The following ACSM3 variants were observed in gnomAD, a reference collection of about 807,000 sequenced individuals.
ACSM3 encodes the protein acyl-CoA synthetase medium chain family member 3, also known as acyl-coenzyme A synthetase ACSM3, mitochondrial.
A neutral mutation model predicts 74.1 loss-of-function variants in ACSM3; 61 were observed. The observed-to-expected ratio is 0.82, with a 90% CI of 0.67 to 1.02. The LOEUF is 1.02. Among genes scored for constraint, ACSM3 ranks in the 50% least tolerant of loss-of-function variants. The pLI is 0.00. For synonymous variants in ACSM3, 213 were observed against 241.5 expected, an observed-to-expected ratio of 0.88 and a Z score of 1.09; for missense variants, 660 against 697.0, an observed-to-expected ratio of 0.95 and a Z score of 0.60.
At chr16:20,726,685 T>TAA (rs1008105341) in intron 1 of ACSM3, among the ~76,000 whole-genome samples, 4 of 152,218 alleles carry the variant, frequency 2.6e-5, no homozygotes, top group Admixed American at 1.3e-4. Flanking sequence ...GGCAGGGCCC[T>TAA]ACTACTTACT....
At chr16:20,741,481 G>GGGGGGGGGGGGGGCC in intron 1 of ACSM3, 77 of 1,308,400 alleles carry the variant, frequency 5.9e-5, no homozygotes, top group Non-Finnish European at 7.1e-5. Flanking sequence ...CTGGCAGCCG[G>GGGGGGGGGGGGGGCC]CCCGCCCGCC....
intron 1 of ACSM3, among the ~76,000 whole-genome samples, chr16:20,691,999 C>T (rs564365348): frequency 1.3e-5 from 2 of 152,200 alleles, no homozygotes; most frequent in South Asian, 4.1e-4. Flanking sequence ...TCAAATTGTT[C>T]CTCTGCATGT....
intron 2 of ACSM3, among the ~76,000 whole-genome samples, chr16:20,752,406 A>G (rs1216465405): frequency 6.6e-6 from 1 of 152,178 alleles, no homozygotes; most frequent in Non-Finnish European, 1.5e-5. Context: ...GTTCCTTGCC[A>G]TTGTTTTTCT....
chr16:20,796,958 T>G lies in ACSM3; in HGVS notation c.1747T>G (p.Trp583Gly). 3.1e-6 allele frequency: 5 copies of G among 1,612,542 alleles called. No homozygotes were observed. Among genetic ancestry groups the G allele is most frequent in the Non-Finnish European group, 4.2e-6 (5 of 1,179,350 alleles). ...AAGAAATGAACTGAGGAAGAAAGAATGGAAGACAATTTAAAGTTGTTTCAT... is the reference window on the plus strand; with the variant it reads ...AAGAAATGAACTGAGGAAGAAAGAAGGGAAGACAATTTAAAGTTGTTTCAT... Reference protein sequence around the residue: ...TKRNELRKKEWKTI With the variant: ...TKRNELRKKEGKTI The change falls in exon 14 of 14, where the codon TGG (tryptophan) becomes GGG (glycine). Residue 583 changes from tryptophan (W) to glycine (G), a missense_variant. Physicochemically the swap from Trp to Gly is radical, Grantham distance 184. Coordinates refer to ENST00000289416, the MANE Select transcript of ACSM3 (RefSeq NM_005622.4).
intron 8 of ACSM3, 136 bp from the exon 9 acceptor site, chr16:20,785,942 C>T: frequency 1.9e-6 from 1 of 533,126 alleles, no homozygotes. Flanking sequence ...CACTACATTC[C>T]ATGAGAGTAT....
intron 1 of ACSM3, among the ~76,000 whole-genome samples, chr16:20,742,813 A>AT (rs372677216): frequency 1.5e-3 from 101 of 66,826 alleles, no homozygotes; most frequent in East Asian, 4.8e-3. Context: ...ATATATATAT[A>AT]TTTTTTTTTT....
At chr16:20,738,192 A>T (rs1267505667) in intron 1 of ACSM3, 2 of 555,770 alleles carry the variant, frequency 3.6e-6, no homozygotes, top group African/African-American at 3.8e-5. Context: ...ACTAGAAATG[A>T]CTGTTTAGGT....
intron 9 of ACSM3, 192 bp downstream of exon 9, chr16:20,786,350 C>T (rs1232681035): frequency 7.9e-6 from 9 of 1,141,718 alleles, no homozygotes; most frequent in Non-Finnish European, 1.1e-5. Flanking sequence ...TTGCAAATAC[C>T]CATATTGTAC....
At chr16:20,686,755 G>A (rs1157837886) in intron 1 of ACSM3, among the ~76,000 whole-genome samples, 1 of 151,850 alleles carries the variant, frequency 6.6e-6, no homozygotes, top group East Asian at 1.9e-4. Flanking sequence ...AGGCTACAGT[G>A]ATTGTGCCAC....
intron 1 of ACSM3, chr16:20,685,271 G>T (rs1358261947): frequency 1.2e-6 from 2 of 1,614,206 alleles, no homozygotes; most frequent in East Asian, 2.2e-5. Context: ...TCTCCCTGTT[G>T]TAGGCCACAG....
chr16:20,705,374 GA>G (rs35941652), intron 1 of ACSM3, among the ~76,000 whole-genome samples: 126 of 123,910 alleles, frequency 1.0e-3, no homozygotes, highest in Non-Finnish European at 1.3e-3. Context: ...CTCCGTCTCA[GA>G]AAAAAAAAAA....
chr16:20,700,211 A>ACATT (rs1330956636), intron 1 of ACSM3, among the ~76,000 whole-genome samples: 1 of 152,188 alleles, frequency 6.6e-6, no homozygotes, highest in African/African-American at 2.4e-5. Flanking sequence ...AACCTATGAT[A>ACATT]CATTCATTCA....
Position 20,770,095 on chromosome 16 carries a change from A to C in ACSM3, c.61A>C (p.Ile21Leu). Residue 21 changes from isoleucine (I) to leucine (L), a missense_variant, in exon 2 of 14, where the codon ATT becomes CTT. Transcript: ENST00000289416. ...RHAKCFQRLA[I>L]FGSVRALHKD... ...TGCCAAGTGTTTTCAGCGCCTAGCA[A>C]TTTTTGGTTCTGTGAGGGCACTGCA... 1 of 1,614,140 alleles carries C rather than the reference A, an allele frequency of 6.2e-7. No individual in the cohort carries two copies. The highest frequency in any genetic ancestry group is 8.5e-7 in the Non-Finnish European group (1 of 1,180,026).
At chr16:20,737,670 C>A in intron 1 of ACSM3, 1 of 1,560,274 alleles carries the variant, frequency 6.4e-7, no homozygotes, top group Non-Finnish European at 8.6e-7. Context: ...AAGTATTTAC[C>A]ATTGAATGCC....
At chr16:20,788,525 T>C (rs2080524282) in intron 9 of ACSM3, among the ~76,000 whole-genome samples, 1 of 152,234 alleles carries the variant, frequency 6.6e-6, no homozygotes, top group South Asian at 2.1e-4. Flanking sequence ...CCACGGGCCG[T>C]TATTATGGGG....
chr16:20,769,375 A>G (rs551588939), intron 1 of ACSM3, among the ~76,000 whole-genome samples: 22 of 152,258 alleles, frequency 1.4e-4, no homozygotes, highest in Non-Finnish European at 3.1e-4. Context: ...TATTAAATGC[A>G]GCTCCAAGCC....
chr16:20,732,540 G>C (rs1355334446), intron 1 of ACSM3, among the ~76,000 whole-genome samples: 1 of 152,080 alleles, frequency 6.6e-6, no homozygotes, highest in African/African-American at 2.4e-5. Flanking sequence ...CCAATCTCCA[G>C]GGTCCAGCTC....
At chr16:20,732,460 AAG>A (rs768979851) in intron 1 of ACSM3, among the ~76,000 whole-genome samples, 26 of 152,174 alleles carry the variant, frequency 1.7e-4, no homozygotes, top group Non-Finnish European at 3.5e-4. Context: ...AGAGAATAAA[AAG>A]AGGATTTTTA....
intron 7 of ACSM3, among the ~76,000 whole-genome samples, chr16:20,784,026 G>A (rs748996808): frequency 7.2e-5 from 11 of 152,122 alleles, no homozygotes; most frequent in Non-Finnish European, 1.3e-4. Context: ...GGCAGGTCTC[G>A]AACTCCTGAT....
Sources: allele counts gnomAD v4.1 joint callset (sites outside exome capture counted in the v4.1 genomes callset), GRCh38; gene constraint gnomAD v4.1.1; transcripts MANE v1.5; gene names NCBI Gene and HGNC (gene_info 2026-07-23, HGNC 2026-07-21).